The following ROBO2 variants were observed in gnomAD, a reference collection of about 807,000 sequenced individuals.
ROBO2 encodes the protein roundabout homolog 2.
Under a neutral mutation model 160.8 loss-of-function variants are expected in ROBO2, and 53 were observed. The ratio of observed to expected loss-of-function variants is 0.33; its 90% CI spans 0.26 to 0.41. ROBO2 has a LOEUF of 0.41. Ranked by LOEUF, ROBO2 falls within the 10% of genes least tolerant of loss-of-function variation. The pLI is 1.00. For missense variants in ROBO2, 1,577 were observed against 1,722.4 expected (o/e 0.92, Z 1.49); for synonymous variants, 664 against 611.7 (o/e 1.09, Z -1.26).
chr3:76,750,501 C>G (rs2093965700), intron 2 of ROBO2, among the ~76,000 whole-genome samples: 1 of 152,110 alleles, frequency 6.6e-6, no homozygotes, highest in African/African-American at 2.4e-5. Flanking sequence ...AAGAGGAAGT[C>G]AAATTGTCCC....
At chr3:77,238,887 A>T (rs1375185632) in intron 2 of ROBO2, among the ~76,000 whole-genome samples, 1 of 152,068 alleles carries the variant, frequency 6.6e-6, no homozygotes, top group African/African-American at 2.4e-5. Flanking sequence ...CAGATAGAGG[A>T]GGTGGCAGAT....
At chr3:76,688,876 A>G (rs11127555) in intron 2 of ROBO2, among the ~76,000 whole-genome samples, 80,448 of 151,664 alleles carry the variant, frequency 0.53, 21,951 homozygotes, top group East Asian at 0.77. Context: ...AAAACATGGT[A>G]TAAAAAATGA....
chr3:77,299,216 C>T (rs1308920134), intron 2 of ROBO2, among the ~76,000 whole-genome samples: 1 of 152,016 alleles, frequency 6.6e-6, no homozygotes, highest in African/African-American at 2.4e-5. Flanking sequence ...TATTAGTCTA[C>T]ATATGTTTAA....
intron 2 of ROBO2, among the ~76,000 whole-genome samples, chr3:77,189,644 C>T (rs954011657): frequency 6.6e-5 from 10 of 151,848 alleles, no homozygotes; most frequent in African/African-American, 2.4e-4. Context: ...TCTGGTGAGA[C>T]TTTTGTGAAA....
At chr3:76,362,692 AAC>A (rs1443680319) in intron 2 of ROBO2, among the ~76,000 whole-genome samples, 1 of 152,086 alleles carries the variant, frequency 6.6e-6, no homozygotes, top group Non-Finnish European at 1.5e-5. Flanking sequence ...AACTTTTAGA[AAC>A]ACAGTTTTTA....
intron 2 of ROBO2, among the ~76,000 whole-genome samples, chr3:76,462,636 A>G (rs1186035480): frequency 6.6e-6 from 1 of 152,086 alleles, no homozygotes; most frequent in Admixed American, 6.6e-5. Context: ...AAGATACACT[A>G]TAAAGGAAAA....
chr3:77,041,053 C>A (rs2064038625), intron 1 of ROBO2, among the ~76,000 whole-genome samples: 1 of 152,098 alleles, frequency 6.6e-6, no homozygotes, highest in African/African-American at 2.4e-5. Flanking sequence ...TTGGTAGTCA[C>A]CTATTGTTGT....
chr3:76,228,687 T>A (rs1244889536), intron 2 of ROBO2, among the ~76,000 whole-genome samples: 1 of 152,176 alleles, frequency 6.6e-6, no homozygotes, highest in Non-Finnish European at 1.5e-5. Context: ...TCTTAGCAAA[T>A]CTAAAGTATC....
At chr3:77,123,575 C>A (rs2074991718) in intron 2 of ROBO2, among the ~76,000 whole-genome samples, 1 of 151,964 alleles carries the variant, frequency 6.6e-6, no homozygotes, top group African/African-American at 2.4e-5. Flanking sequence ...TGCCTTTTGA[C>A]TGCTTGCACA....
At chr3:77,554,387 A>G (rs1310710619) in intron 8 of ROBO2, among the ~76,000 whole-genome samples, 2 of 151,998 alleles carry the variant, frequency 1.3e-5, no homozygotes, top group African/African-American at 4.8e-5. Flanking sequence ...TCAGCAGCCC[A>G]TGGATCAAGG....
At chr3:77,478,008 G>A (rs1241460590) in intron 3 of ROBO2, among the ~76,000 whole-genome samples, 1 of 151,568 alleles carries the variant, frequency 6.6e-6, no homozygotes, top group Non-Finnish European at 1.5e-5. Context: ...TGTATTTTTT[G>A]TAGAGATGGG....
At chr3:77,336,847 A>T (rs1379783698) in intron 2 of ROBO2, among the ~76,000 whole-genome samples, 2 of 152,208 alleles carry the variant, frequency 1.3e-5, no homozygotes, top group African/African-American at 4.8e-5. Context: ...ATGCTGAATG[A>T]ATTGGTGATG....
chr3:76,665,995 ATAATATATAATAT>A (rs2092021607), intron 2 of ROBO2, among the ~76,000 whole-genome samples: 1 of 122,634 alleles, frequency 8.2e-6, no homozygotes, highest in Non-Finnish European at 1.8e-5. Flanking sequence ...TGTAATATAT[ATAATATATAATAT>A]ATACATATTA....
At chr3:77,454,562 A>C (rs1295244689) in intron 2 of ROBO2, among the ~76,000 whole-genome samples, 1 of 152,142 alleles carries the variant, frequency 6.6e-6, no homozygotes, top group Non-Finnish European at 1.5e-5. Context: ...CATCACTCTA[A>C]CTCTCTACTG....
At chr3:77,330,952 TC>T (rs1167786475) in intron 2 of ROBO2, among the ~76,000 whole-genome samples, 3 of 152,194 alleles carry the variant, frequency 2.0e-5, no homozygotes, top group Non-Finnish European at 2.9e-5. Flanking sequence ...TCATCCATTT[TC>T]AAAGAAAAGG....
intron 2 of ROBO2, among the ~76,000 whole-genome samples, chr3:76,060,138 G>A (rs1356095851): frequency 6.6e-6 from 1 of 151,848 alleles, no homozygotes; most frequent in Non-Finnish European, 1.5e-5. Flanking sequence ...TGTGATTTGA[G>A]TATTTGATTA....
chr3:77,633,009 G>C (rs924803384), intron 23 of ROBO2: 4 of 166,810 alleles, frequency 2.4e-5, no homozygotes, highest in African/African-American at 9.5e-5. Flanking sequence ...TGTACCCAGT[G>C]ATTAAAATTA....
rs555408736 is a variant in ROBO2, at chr3:76,483,491, G to T, written c.109+545889G>T. ...GATCCATTATACCATCTCCTTACAA[G>T]TCGCATATGTAACCAATATATAAAT... On this transcript the variant is annotated intron_variant, in intron 2 of 26. Transcript: ENST00000487694. 2.0e-5 allele frequency among the ~76,000 whole-genome samples: 3 copies of T among 151,896 alleles called. No individual in the cohort carries two copies. In the South Asian group the frequency reaches 6.2e-4, roughly 31 times the overall value.
At chr3:77,507,342 A>T (rs1371887511) in intron 5 of ROBO2, among the ~76,000 whole-genome samples, 1 of 152,194 alleles carries the variant, frequency 6.6e-6, no homozygotes, top group African/African-American at 2.4e-5. Context: ...CAGTTTGAAC[A>T]CTGATGAAGG....
Sources: gnomAD v4.1 joint callset for allele counts (sites outside exome capture counted in the v4.1 genomes callset) on GRCh38, gnomAD v4.1.1 for gene constraint, MANE v1.5 for transcripts, NCBI Gene and HGNC (gene_info 2026-07-23, HGNC 2026-07-21) for gene names.